The following IRX2 variants were observed in gnomAD, a reference collection of about 807,000 sequenced individuals.
The protein encoded by IRX2 is iroquois-class homeodomain protein IRX-2.
In IRX2, 26 loss-of-function variants were observed where a neutral mutation model predicts 42.9. The ratio of observed to expected loss-of-function variants is 0.61; its 90% CI spans 0.44 to 0.84. The LOEUF (loss-of-function observed/expected upper bound fraction) is 0.84, where lower values mean the gene tolerates loss of function less well. IRX2 is among the 40% of genes least tolerant of loss of function. The pLI, the probability that IRX2 is intolerant of heterozygous loss-of-function variation, is 0.00. For missense variants in IRX2, 782 were observed against 713.9 expected (o/e 1.10, Z -1.09); for synonymous variants, 424 against 353.9 (o/e 1.20, Z -2.22).
At chr5:2,747,870 C>T (rs2935601) in intron 3 of IRX2, among the ~76,000 whole-genome samples, 5,842 of 152,288 alleles carry the variant, frequency 0.038, 323 homozygotes, top group African/African-American at 0.12. Flanking sequence ...GGTTTTCTTT[C>T]CGAACAACGA....
chr5:2,740,005 G>A, the IRX2 span, among the ~76,000 whole-genome samples: 1 of 152,018 alleles, frequency 6.6e-6, no homozygotes, highest in South Asian at 2.1e-4. Flanking sequence ...GGTCCTCGCG[G>A]GTTCTTCTGG....
Position 2,748,847 on chromosome 5 carries a change from C to T in IRX2, c.861G>A (p.Pro287=), listed in dbSNP as rs754531799. The change falls in exon 3 of 4, where the codon CCG becomes CCA. Residue 287 remains proline, a synonymous_variant. Coordinates refer to ENST00000302057, the MANE Select transcript of IRX2 (RefSeq NM_033267.5). The stretch of plus-strand genomic sequence containing the variant: ...GCAGCGGCGCCTCCAAGCCGGTAAG[C>T]GGCGACGAGGTCACGGGCTTGGGCG... ...LAPPKPVTSS[P]LTGLEAPLLS... is the part of the protein sequence containing the mutation. 23 of 1,576,794 alleles carry T rather than the reference C, an allele frequency of 1.5e-5. No homozygotes were observed. Among genetic ancestry groups the T allele is most frequent in the Non-Finnish European group, 1.9e-5 (22 of 1,171,324 alleles).
In IRX2 at chr5:2,751,573, G is replaced by GGGC; in HGVS notation, c.-163_-161dup. The GGGC allele has an allele frequency of 7.9e-6, 2 of 252,800 alleles. No homozygotes were observed. Among genetic ancestry groups the GGGC allele is most frequent in the East Asian group, 1.9e-4 (1 of 5,152 alleles). The allele number at this position is 252,800 out of a possible 1,614,324, so 15.7% of individuals were successfully genotyped here. On this transcript the variant is annotated 5_prime_UTR_variant, in exon 1 of 4. Transcript: ENST00000302057. The surrounding 1 kb of genome is among the most constrained non-coding windows in gnomAD (Gnocchi z 4.0). ...ACTAGCCTGGGCGGCCCGCGGGCCG[G>GGGC]GGCGGCGGCGGGGTGGCGGTGGCGG...
chr5:2,739,333 C>T, the IRX2 span, among the ~76,000 whole-genome samples: 1 of 146,778 alleles, frequency 6.8e-6, no homozygotes, highest in Non-Finnish European at 1.5e-5. Context: ...GGCGGCGGTG[C>T]CGGGGGTACG....
intron 2 of IRX2, 82 bp from the exon 3 acceptor site, chr5:2,749,134 C>T (rs1579628254): frequency 7.2e-6 from 11 of 1,529,702 alleles, no homozygotes; most frequent in Non-Finnish European, 9.6e-6. Context: ...TCCTGCGGCA[C>T]TGGGCCCTCC....
At chr5:2,742,354 T>C (rs1348846779), downstream of IRX2, among the ~76,000 whole-genome samples, 1 of 152,228 alleles carries the variant, frequency 6.6e-6, no homozygotes, top group Non-Finnish European at 1.5e-5. Flanking sequence ...GAAAATTATA[T>C]TGTCATAGAT....
Position 2,748,740 on chromosome 5 carries a change from G to C in IRX2, c.968C>G (p.Pro323Arg), listed in dbSNP as rs917174742. 3.7e-6 allele frequency: 5 copies of C among 1,368,156 alleles called. No individual in the cohort carries two copies. The highest frequency in any genetic ancestry group is 1.5e-5 in the African/African-American group (1 of 65,210). The allele number at this position is 1,368,156 out of a possible 1,614,324, so 84.8% of individuals were successfully genotyped here. Residue 323 changes from proline to arginine, a missense_variant, in exon 3 of 4, where the codon CCC becomes CGC. This residue lies in a region of IRX2 where 520 missense variants were observed against 437.8 expected (regional missense o/e 1.19). Coordinates refer to ENST00000302057, the MANE Select transcript of IRX2 (RefSeq NM_033267.5). ...CGACCACAGCTTGGGCTTGCTGGCG[G>C]GGGGCGGCGCGCCCGGAGACGTCCG... is the stretch of plus-strand genomic sequence containing the variant. ...GSRTSPGAPP[P>R]ASKPKLWSLA... is the part of the protein sequence containing the mutation.
At chr5:2,735,944 A>G in the IRX2 span, among the ~76,000 whole-genome samples, 1 of 152,198 alleles carries the variant, frequency 6.6e-6, no homozygotes, top group Non-Finnish European at 1.5e-5. Flanking sequence ...AATTGGAACT[A>G]TTAACCTCAA....
At chr5:2,745,915 G>A (rs961121780), downstream of IRX2, 4 of 151,580 alleles carry the variant, frequency 2.6e-5, no homozygotes, top group African/African-American at 9.7e-5. Context: ...CACACTCAGG[G>A]CACAAAAATC....
rs1236792844 is a variant in IRX2 at position 2,746,773 on chromosome 5, A to T, written c.*791T>A. 7.1e-6 allele frequency: 1 copy of T among 141,102 alleles called. No homozygotes were observed. The highest frequency in any genetic ancestry group is 1.5e-5 in the Non-Finnish European group (1 of 65,274). 8.7% of individuals were successfully genotyped at this position (141,102 alleles called of 1,614,324 possible). ...TTTTTTTTTTTTTTTTTTCAAAGCA[A>T]TTGTGACACCTACCTGTGGACCAAG... On this transcript the variant is annotated 3_prime_UTR_variant, in exon 4 of 4. Coordinates refer to ENST00000302057, the MANE Select transcript of IRX2 (RefSeq NM_033267.5).
At position 2,748,988 on chromosome 5, in the gene IRX2, C is replaced by T. The variant is rs1163854641; in HGVS notation, c.720G>A (p.Lys240=). 1.9e-6 allele frequency: 3 copies of T among 1,597,498 alleles called. No homozygotes were observed. The highest frequency in any genetic ancestry group is 2.5e-6 in the Non-Finnish European group (3 of 1,179,478). ...GGGGGTCCCCGGCGCGGCACGGAAG[C>T]TTCTCCCCGTCCGACTCGGCCGAGC... ...HSCSAESDGE[K]LPCRAGDPLC... is the part of the protein sequence containing the mutation. The change falls in exon 3 of 4, where the codon AAG becomes AAA. Residue 240 remains lysine, a synonymous_variant. Transcript: ENST00000302057.
At chr5:2,741,144 C>T (rs968207689), downstream of IRX2, among the ~76,000 whole-genome samples, 20 of 152,246 alleles carry the variant, frequency 1.3e-4, no homozygotes, top group African/African-American at 4.8e-4. Context: ...GGACTAAAAA[C>T]AAAAGTTCTC....
At chr5:2,742,933 C>T (rs1737574838), downstream of IRX2, among the ~76,000 whole-genome samples, 1 of 152,316 alleles carries the variant, frequency 6.6e-6, no homozygotes, top group Non-Finnish European at 1.5e-5. Flanking sequence ...TACTTAAATG[C>T]AATTGTAAAT....
chr5:2,749,341 G>A (rs762543371), intron 2 of IRX2, 41 bp downstream of exon 2: 15 of 1,546,778 alleles, frequency 9.7e-6, no homozygotes, highest in Non-Finnish European at 1.2e-5. Context: ...CGCCTGGGAA[G>A]AAAGCGCCCC....
chr5:2,741,485 G>A (rs1205021703), downstream of IRX2, among the ~76,000 whole-genome samples: 2 of 152,178 alleles, frequency 1.3e-5, no homozygotes, highest in East Asian at 3.8e-4. Flanking sequence ...CCAAAAAGGA[G>A]GAGAGGTGTA....
At position 2,747,363 on chromosome 5, in the gene IRX2, C is replaced by T; in HGVS notation, c.*201G>A. On this transcript the variant is annotated 3_prime_UTR_variant, in exon 4 of 4. Coordinates refer to ENST00000302057, the MANE Select transcript of IRX2 (RefSeq NM_033267.5). ...AGGTAAAGGAGTGATAGAACTTGTG[C>T]CAAAAAGAGGGAATCTATAAAACAG... The T allele has an allele frequency of 2.1e-6, 1 of 471,896 alleles. No individual in the cohort carries two copies. 29.2% of individuals were successfully genotyped at this position (471,896 alleles called of 1,614,324 possible). A position where few individuals can be genotyped will look rare whatever the true frequency, so the allele number is the denominator to read the frequency against.
chr5:2,739,526 AAC>A, the IRX2 span, among the ~76,000 whole-genome samples: 44,177 of 151,944 alleles, frequency 0.29, 6,523 homozygotes, highest in South Asian at 0.48. Flanking sequence ...CAGGACCCGA[AAC>A]AGGAGAGACC....
the IRX2 span, among the ~76,000 whole-genome samples, chr5:2,739,532 A>G: frequency 1.3e-5 from 1 of 76,688 alleles, no homozygotes; most frequent in East Asian, 3.1e-4. Flanking sequence ...CCGAAACAGG[A>G]GAGACCGGGG....
downstream of IRX2, among the ~76,000 whole-genome samples, chr5:2,742,481 G>A (rs530049915): frequency 3.7e-4 from 56 of 152,284 alleles, no homozygotes; most frequent in Non-Finnish European, 7.3e-4. Context: ...TTCAAATGAT[G>A]TTAATCATAA....
Sources: allele counts gnomAD v4.1 joint callset (sites outside exome capture counted in the v4.1 genomes callset), GRCh38; gene constraint gnomAD v4.1.1; regional missense constraint gnomAD v4.1.1; non-coding constraint Gnocchi (gnomAD v3.1); transcripts MANE v1.5; gene names NCBI Gene and HGNC (gene_info 2026-07-23, HGNC 2026-07-21).